TRPM2: variants seen among roughly 807,000 people sequenced by gnomAD.
TRPM2 encodes transient receptor potential cation channel subfamily M member 2.
TRPM2 carries 161 observed loss-of-function variants against 174.0 expected under a neutral mutation model. That is an observed-to-expected ratio of 0.93 (90% CI 0.81 to 1.05). TRPM2 has a LOEUF of 1.05. Ranked by LOEUF, TRPM2 falls within the 50% of genes least tolerant of loss-of-function variation. The probability of loss-of-function intolerance (pLI) is 0.00; values close to 1 mark genes in which losing one functional copy is unlikely to be tolerated. For missense variants in TRPM2, 2,057 were observed against 2,038.0 expected (o/e 1.01, Z -0.18); for synonymous variants, 954 against 861.3 (o/e 1.11, Z -1.88).
intron 20 of TRPM2, chr21:44,415,404 G>A (rs941798827): frequency 5.9e-5 from 9 of 152,268 alleles, no homozygotes; most frequent in African/African-American, 2.2e-4. Flanking sequence ...GGGAGGCGGA[G>A]AAGGAATGTG....
At chr21:44,421,376 T>C (rs1261497040) in intron 22 of TRPM2, among the ~76,000 whole-genome samples, 2 of 152,050 alleles carry the variant, frequency 1.3e-5, no homozygotes, top group African/African-American at 4.8e-5. Context: ...CCAGACATCT[T>C]AAAGCTCAGA....
chr21:44,407,450 GTTT>G (rs71197896), intron 19 of TRPM2, among the ~76,000 whole-genome samples: 20,115 of 85,750 alleles, frequency 0.23, 2,279 homozygotes, highest in East Asian at 0.41. Flanking sequence ...CATATAGAAG[GTTT>G]TTTTTTTTTT....
rs143528384 is a variant in TRPM2, at chr21:44,435,162, C to T, written c.4006C>T (p.Arg1336Cys). 1.1e-4 allele frequency: 173 copies of T among 1,613,338 alleles called. No individual in the cohort carries two copies. Among genetic ancestry groups the T allele is most frequent in the Middle Eastern group, 1.6e-4 (1 of 6,062 alleles). The change falls in exon 28 of 32, where the codon CGC becomes TGC. Residue 1336 changes from arginine to cysteine, a missense_variant. Transcript: ENST00000397928. ...NPMGRTGLRG[R>C]GSLSCFGPNH... Reference sequence around the variant, plus strand: ...CATGGGCCGCACAGGACTGCGTGGGCGCGGGAGCCTCAGCTGCTTCGGACC... The same window carrying T: ...CATGGGCCGCACAGGACTGCGTGGGTGCGGGAGCCTCAGCTGCTTCGGACC...
At position 44,371,860 on chromosome 21, in the gene TRPM2, TG is replaced by T. The variant is rs529498631; in HGVS notation, c.771+2522del. ...ACCATTGCCAGATCTTGGCTGGGTG[TG>T]GGGGCTCACACCTGTCATCCCAGCA... On this transcript the variant is annotated intron_variant, in intron 5 of 31. Transcript: ENST00000397928. Among the ~76,000 whole-genome samples, 1,146 of 152,236 alleles carry T rather than the reference TG, an allele frequency of 7.5e-3. 11 individuals carry two copies. Among genetic ancestry groups the T allele is most frequent in the Non-Finnish European group, 9.2e-3 (627 of 67,998 alleles).
chr21:44,425,770 C>G lies in TRPM2; in HGVS notation c.3738C>G (p.Leu1246=), dbSNP rs1240155133. Reference sequence around the variant, plus strand: ...ACCACGTGAATGCCCGGCACCTCCTCTACCCCAACTGCCCTGTCACGCGCT... The same window carrying G: ...ACCACGTGAATGCCCGGCACCTCCTGTACCCCAACTGCCCTGTCACGCGCT... ...DSYHVNARHL[L]YPNCPVTRFP... Residue 1246 remains leucine (L), a synonymous_variant, in exon 25 of 32, where the codon CTC becomes CTG. Transcript: ENST00000397928. The G allele has an allele frequency of 2.5e-6, 4 of 1,597,434 alleles. No individual in the cohort carries two copies. The highest frequency in any genetic ancestry group is 3.4e-6 in the Non-Finnish European group (4 of 1,169,768).
At chr21:44,361,549 T>C (rs1395960750) in intron 2 of TRPM2, among the ~76,000 whole-genome samples, 1 of 152,228 alleles carries the variant, frequency 6.6e-6, no homozygotes. Context: ...AATCTGTTTT[T>C]TAATTGTCAT....
intron 19 of TRPM2, among the ~76,000 whole-genome samples, chr21:44,413,309 G>A (rs2050168029): frequency 6.7e-6 from 1 of 149,744 alleles, no homozygotes; most frequent in Non-Finnish European, 1.5e-5. Flanking sequence ...GGCAACCTCG[G>A]CTCACTGCAA....
intron 23 of TRPM2, among the ~76,000 whole-genome samples, chr21:44,424,165 A>T (rs1285567932): frequency 6.6e-6 from 1 of 152,172 alleles, no homozygotes; most frequent in African/African-American, 2.4e-5. Context: ...GTCCAACAAC[A>T]GCACCTGCGG....
At position 44,426,989 on chromosome 21, in the gene TRPM2, CG is replaced by C. The variant is rs1367886857; in HGVS notation, c.3873-20del. 6.4e-7 allele frequency: 1 copy of C among 1,567,908 alleles called. No homozygotes were observed. Among genetic ancestry groups the C allele is most frequent in the Non-Finnish European group, 8.6e-7 (1 of 1,156,710 alleles). On this transcript the variant is annotated intron_variant, in intron 26 of 31. Coordinates refer to ENST00000397928, the MANE Select transcript of TRPM2 (RefSeq NM_003307.4). ...CACCTGCAACACGGGCACACAGACA[CG>C]CCTTCTCCTCTGCTCCCAGCACCCT...
chr21:44,425,072 AG>A lies in TRPM2; in HGVS notation c.3637+135del, dbSNP rs929777183. ...GAAGGCACTGGCTGCAGCCTGTTCC[AG>A]GCAGGGCCAGCGCCCTCAGGAACTC... On this transcript the variant is annotated intron_variant, in intron 24 of 31. Coordinates refer to ENST00000397928, the MANE Select transcript of TRPM2 (RefSeq NM_003307.4). 38 of 801,732 alleles carry A rather than the reference AG, an allele frequency of 4.7e-5. No individual in the cohort carries two copies. The African/African-American group carries it at 4.9e-4, about 10-fold the overall frequency. The allele number at this position is 801,732 out of a possible 1,614,324, so 49.7% of individuals were successfully genotyped here. A position where few individuals can be genotyped will look rare whatever the true frequency, so the allele number is the denominator to read the frequency against.
intron 23 of TRPM2, 64 bp downstream of exon 23, chr21:44,423,796 C>A: frequency 7.5e-7 from 1 of 1,338,710 alleles, no homozygotes; most frequent in Non-Finnish European, 1.0e-6. Context: ...GCGGCTCTGC[C>A]ATGTGGTGGC....
intron 26 of TRPM2, 44 bp from the exon 27 acceptor site, chr21:44,426,966 C>T: frequency 6.5e-7 from 1 of 1,539,862 alleles, no homozygotes; most frequent in Non-Finnish European, 8.8e-7. Flanking sequence ...CTCTGTCCCA[C>T]CTGCAACACG....
At chr21:44,372,731 C>T (rs193219395) in intron 5 of TRPM2, among the ~76,000 whole-genome samples, 3 of 152,134 alleles carry the variant, frequency 2.0e-5, no homozygotes, top group Admixed American at 6.5e-5. Context: ...ACGGGAGGAA[C>T]GAAGGCATCA....
In TRPM2 at chr21:44,364,269, AG is replaced by A. The variant is rs1160891812; in HGVS notation, c.411del (p.Lys138ArgfsTer2). 3.1e-6 allele frequency: 5 copies of A among 1,614,058 alleles called. No individual in the cohort carries two copies. In the African/African-American group the frequency reaches 5.3e-5, roughly 17 times the overall value. On this transcript the variant is annotated frameshift_variant, in exon 3 of 32. Transcript: ENST00000397928. LOFTEE classifies it high-confidence loss of function. ...FGDIVFTGLSQKVKKYVRVSQ... is the reference protein window; with the variant it reads ...FGDIVFTGLSXKVKKYVRVSQ... ...GACATCGTCTTCACGGGCCTGAGCC[AG>A]AAGGTGAAAAAGGTTGGTTTCCATC...
chr21:44,401,534 C>T (rs529634372), intron 15 of TRPM2, 147 bp from the exon 16 acceptor site: 9 of 771,548 alleles, frequency 1.2e-5, no homozygotes, highest in Middle Eastern at 3.7e-4. Flanking sequence ...CTGTAGCTGC[C>T]GTTATGGCCC....
Position 44,390,919 on chromosome 21 carries a change from A to G in TRPM2, c.1334A>G (p.Asp445Gly), listed in dbSNP as rs1569050852. 6.2e-7 allele frequency: 1 copy of G among 1,614,040 alleles called. No individual in the cohort carries two copies. The highest frequency in any genetic ancestry group is 1.7e-5 in the Admixed American group (1 of 60,020). Residue 445 changes from aspartate (D) to glycine (G), a missense_variant, in exon 10 of 32, where the codon GAC becomes GGC. By Grantham distance (94) the Asp-to-Gly change is moderately conservative (BLOSUM62 -1). Transcript: ENST00000397928. ...TCATCTGCAGCCTCACGGAGCCAAG[A>G]CCACTTTGGCCACGAGAACTGGGAC... is the stretch of plus-strand genomic sequence containing the variant. The part of the protein sequence containing the change: ...QALLKASRSQ[D>G]HFGHENWDHQ...
chr21:44,398,328 G>A (rs1390745620), intron 13 of TRPM2, among the ~76,000 whole-genome samples: 9 of 151,872 alleles, frequency 5.9e-5, no homozygotes, highest in Admixed American at 5.9e-4. Flanking sequence ...AGCCTCCCGA[G>A]TAGCTGGGAT....
intron 24 of TRPM2, chr21:44,425,399 A>G: frequency 4.6e-6 from 2 of 437,614 alleles, no homozygotes; most frequent in Non-Finnish European, 8.1e-6. Context: ...TCGTAACCGC[A>G]CTGCGAGTTC....
Position 44,425,598 on chromosome 21 carries a change from A to G in TRPM2, c.3638-72A>G, listed in dbSNP as rs925518152. 2.8e-6 allele frequency: 4 copies of G among 1,410,898 alleles called. No homozygotes were observed. The African/African-American group carries it at 4.4e-5, about 15-fold the overall frequency. The allele number at this position is 1,410,898 out of a possible 1,614,324, so 87.4% of individuals were successfully genotyped here. ...TGTTTTGGCGGAAGGACCACAGAGG[A>G]AGTCCTTGTCCTGCGGGCGGGCACC... On this transcript the variant is annotated intron_variant, in intron 24 of 31. Transcript: ENST00000397928.
Sources: allele counts gnomAD v4.1 joint callset (sites outside exome capture counted in the v4.1 genomes callset), GRCh38; gene constraint gnomAD v4.1.1; transcripts MANE v1.5; gene names NCBI Gene and HGNC (gene_info 2026-07-23, HGNC 2026-07-21).